The following ZFHX2 variants were observed in gnomAD, a reference collection of about 807,000 sequenced individuals.
The protein encoded by ZFHX2 is zinc finger homeobox protein 2.
A neutral mutation model predicts 164.8 loss-of-function variants in ZFHX2; 75 were observed. That is an observed-to-expected ratio of 0.46 (90% CI 0.38 to 0.55). The LOEUF (loss-of-function observed/expected upper bound fraction) is 0.55. Among genes scored for constraint, ZFHX2 ranks in the 20% least tolerant of loss-of-function variants. The probability of loss-of-function intolerance (pLI) is 0.00; values close to 1 mark genes in which losing one functional copy is unlikely to be tolerated. For synonymous variants in ZFHX2, 1,217 were observed against 1,351.4 expected, an observed-to-expected ratio of 0.90 and a Z score of 2.18; for missense variants, 2,933 against 3,308.0, an observed-to-expected ratio of 0.89 and a Z score of 2.78.
intron 7 of ZFHX2, 91 bp from the exon 8 acceptor site, chr14:23,527,064 C>A: frequency 2.9e-6 from 4 of 1,397,068 alleles, no homozygotes; most frequent in Non-Finnish European, 2.8e-6. Flanking sequence ...TGTACTTGTG[C>A]CGAGATCCCT....
chr14:23,523,739 T>G lies in ZFHX2; in HGVS notation c.6203A>C (p.Tyr2068Ser). 1 of 1,536,254 alleles carries G rather than the reference T, an allele frequency of 6.5e-7. No individual in the cohort carries two copies. Among genetic ancestry groups the G allele is most frequent in the Non-Finnish European group, 8.7e-7 (1 of 1,146,932 alleles). ...GVPDGMGQRRYRTQMSSLQLK... is the reference protein window; with the variant it reads ...GVPDGMGQRRSRTQMSSLQLK... Reference sequence around the variant, plus strand: ...CTGCAGGCTGCTCATCTGGGTCCTGTAGCGCCGCTGCCCCATTCCATCTGG... The same window carrying G: ...CTGCAGGCTGCTCATCTGGGTCCTGGAGCGCCGCTGCCCCATTCCATCTGG... Residue 2068 changes from tyrosine to serine, a missense_variant, in exon 9 of 10, where the codon TAC becomes TCC. By Grantham distance (144) the Tyr-to-Ser change is moderately radical (BLOSUM62 -2). Coordinates refer to ENST00000419474, the MANE Select transcript of ZFHX2 (RefSeq NM_033400.3). The surrounding 1 kb of genome is among the most constrained non-coding windows in gnomAD (Gnocchi z 4.1).
At position 23,534,893 on chromosome 14, in the gene ZFHX2, C is replaced by T. The variant is rs1471505234; in HGVS notation, c.433G>A (p.Gly145Ser). 6 of 1,536,094 alleles carry T rather than the reference C, an allele frequency of 3.9e-6. No individual in the cohort carries two copies. Among genetic ancestry groups the T allele is most frequent in the Non-Finnish European group, 8.7e-7 (1 of 1,146,890 alleles). The part of the protein sequence containing the change: ...ELLLPKGFPW[G>S]EAGIKEEPSL... ...GGCTCTTCCTTGATGCCCGCCTCAC[C>T]CCAGGGGAAGCCCTTTGGTAACAGG... Residue 145 changes from glycine (G) to serine (S), a missense_variant, in exon 2 of 10, where the codon GGT (glycine) becomes AGT (serine). By Grantham distance (56) the Gly-to-Ser change is moderately conservative. Coordinates refer to ENST00000419474, the MANE Select transcript of ZFHX2 (RefSeq NM_033400.3). This position sits in a 1 kb window ranked among gnomAD's most constrained non-coding sequence, Gnocchi z 4.5.
rs1438434773 is a variant in ZFHX2, at chr14:23,525,356, G to C, written c.4586C>G (p.Pro1529Arg). The C allele has an allele frequency of 6.5e-7, 1 of 1,536,042 alleles. No individual in the cohort carries two copies. The highest frequency in any genetic ancestry group is 8.7e-7 in the Non-Finnish European group (1 of 1,146,924). Residue 1529 changes from proline to arginine, a missense_variant, in exon 9 of 10, where the codon CCC becomes CGC. Physicochemically the swap from Pro to Arg is moderately radical, Grantham distance 103. Transcript: ENST00000419474. The surrounding 1 kb of genome is among the most constrained non-coding windows in gnomAD (Gnocchi z 5.9). ...FRKSYDSLYP[P>R]LAEPPKPPDG... ...AGGAGGTTTGGGAGGCTCTGCAAGG[G>C]GCGGGTATAGGCTGTCATAGCTCTT...
At chr14:23,539,035 G>T (rs906067581) in intron 1 of ZFHX2, among the ~76,000 whole-genome samples, 1 of 152,128 alleles carries the variant, frequency 6.6e-6, no homozygotes, top group Non-Finnish European at 1.5e-5. Context: ...AGTTCTGAGG[G>T]TGTAGTCATC....
At chr14:23,532,155 AC>A in intron 3 of ZFHX2, 2 of 122,384 alleles carry the variant, frequency 1.6e-5, no homozygotes, top group African/African-American at 3.2e-5. Flanking sequence ...TGCTCCTGAA[AC>A]CCCCCCTTTC....
rs1879836872 is a variant in ZFHX2 at position 23,533,609 on chromosome 14, C to A, written c.1717G>T (p.Val573Leu). Residue 573 changes from valine to leucine, a missense_variant, in exon 2 of 10, where the codon GTG (valine) becomes TTG (leucine). Transcript: ENST00000419474. The surrounding 1 kb of genome is among the most constrained non-coding windows in gnomAD (Gnocchi z 4.8). The part of the protein sequence containing the change: ...PKTKSSWQCK[V>L]CSYETNISRN... ...GAGATGTTTGTCTCGTAGCTGCACA[C>A]CTTGCACTGCCAGGATGATTTGGTC... 1 of 1,536,682 alleles carries A rather than the reference C, an allele frequency of 6.5e-7. No individual in the cohort carries two copies. The highest frequency in any genetic ancestry group is 1.2e-5 in the South Asian group (1 of 84,070).
At chr14:23,528,708 C>G in intron 6 of ZFHX2, 2 of 985,392 alleles carry the variant, frequency 2.0e-6, no homozygotes, top group Non-Finnish European at 2.4e-6. Flanking sequence ...TTTCCTTCTT[C>G]TTTTTCCTAA....
intron 7 of ZFHX2, 87 bp downstream of exon 7, chr14:23,527,517 C>T (rs1595145205): frequency 2.0e-6 from 3 of 1,491,396 alleles, no homozygotes; most frequent in African/African-American, 1.4e-5. Flanking sequence ...AACACATGCA[C>T]CTGCCTGAAT....
In ZFHX2 at chr14:23,526,935, C is replaced by T; in HGVS notation, c.3174G>A (p.Leu1058=). 6 of 1,531,098 alleles carry T rather than the reference C, an allele frequency of 3.9e-6. No individual in the cohort carries two copies. Among genetic ancestry groups the T allele is most frequent in the South Asian group, 1.2e-5 (1 of 83,202 alleles). 94.8% of individuals were successfully genotyped at this position (1,531,098 alleles called of 1,614,324 possible). ...TVEMTFTTKV[L]SAPTLSPLDN... is the part of the protein sequence containing the mutation. ...CCAGAGGGCTTAATGTGGGTGCAGACAGCACTTTGGTTGTAAATGTCATTT... is the reference window on the plus strand; with the variant it reads ...CCAGAGGGCTTAATGTGGGTGCAGATAGCACTTTGGTTGTAAATGTCATTT... Residue 1058 remains leucine (L), a synonymous_variant, in exon 8 of 10, where the codon CTG becomes CTA. Coordinates refer to ENST00000419474, the MANE Select transcript of ZFHX2 (RefSeq NM_033400.3).
chr14:23,527,055 G>C (rs1878823176), intron 7 of ZFHX2, 82 bp from the exon 8 acceptor site: 1 of 1,406,702 alleles, frequency 7.1e-7, no homozygotes, highest in Non-Finnish European at 9.2e-7. Context: ...CCCTACACCT[G>C]TACTTGTGCC....
chr14:23,526,700 T>A, intron 8 of ZFHX2, 21 bp from the exon 9 acceptor site: 6 of 1,535,752 alleles, frequency 3.9e-6, no homozygotes, highest in Non-Finnish European at 5.2e-6. Flanking sequence ...GAGAAGAAAG[T>A]ACAATGAGGA....
intron 1 of ZFHX2, among the ~76,000 whole-genome samples, chr14:23,536,770 G>A (rs1880190140): frequency 6.6e-6 from 1 of 152,142 alleles, no homozygotes; most frequent in Non-Finnish European, 1.5e-5. Flanking sequence ...CAAAGTTGTG[G>A]TCTAGACTCC....
intron 4 of ZFHX2, chr14:23,530,640 A>C: frequency 2.8e-6 from 1 of 352,920 alleles, no homozygotes; most frequent in East Asian, 7.8e-5. Flanking sequence ...TCAAGTAAGA[A>C]TTGACAGATG....
chr14:23,539,591 T>C (rs927509113), intron 1 of ZFHX2, among the ~76,000 whole-genome samples: 7 of 152,168 alleles, frequency 4.6e-5, no homozygotes, highest in Admixed American at 2.6e-4. Context: ...GACCAAAAAA[T>C]TGAAGTCTGA....
Position 23,532,734 on chromosome 14 carries a change from C to T in ZFHX2, c.2392G>A (p.Ala798Thr). 6.5e-7 allele frequency: 1 copy of T among 1,535,798 alleles called. No individual in the cohort carries two copies. ...GATGCTGGGGAAGGGGTGCCCATGG[C>T]TCCACCCCCCTCCCGCAGGTGGGCT... The part of the protein sequence containing the change: ...LAAHLREGGG[A>T]MGTPSPASLG... Residue 798 changes from alanine (A) to threonine (T), a missense_variant, in exon 3 of 10, where the codon GCC becomes ACC. Ala to Thr is a moderately conservative substitution (Grantham distance 58). Coordinates refer to ENST00000419474, the MANE Select transcript of ZFHX2 (RefSeq NM_033400.3).
Position 23,523,761 on chromosome 14 carries a change from C to G in ZFHX2, c.6181G>C (p.Asp2061His). Residue 2061 changes from aspartate to histidine, a missense_variant, in exon 9 of 10, where the codon GAT (aspartate) becomes CAT (histidine). Asp to His is a moderately conservative substitution (Grantham distance 81, BLOSUM62 -1). Coordinates refer to ENST00000419474, the MANE Select transcript of ZFHX2 (RefSeq NM_033400.3). This position sits in a 1 kb window ranked among gnomAD's most constrained non-coding sequence, Gnocchi z 4.1. ...GGPGGGTGVPDGMGQRRYRTQ... is the reference protein window; with the variant it reads ...GGPGGGTGVPHGMGQRRYRTQ... The stretch of plus-strand genomic sequence containing the variant: ...CTGTAGCGCCGCTGCCCCATTCCAT[C>G]TGGAACCCCAGTCCCACCTCCAGGT... 1 of 1,536,232 alleles carries G rather than the reference C, an allele frequency of 6.5e-7. No individual in the cohort carries two copies.
chr14:23,547,298 T>C (rs1881489046), intron 1 of ZFHX2, among the ~76,000 whole-genome samples: 1 of 152,260 alleles, frequency 6.6e-6, no homozygotes, highest in Non-Finnish European at 1.5e-5. Context: ...TGGCTTGGGA[T>C]AGGTGTTTAG....
rs754381131 is a variant in ZFHX2 at position 23,522,278 on chromosome 14, G to A, written c.7403C>T (p.Ala2468Val). 2.1e-5 allele frequency: 32 copies of A among 1,497,814 alleles called. No individual in the cohort carries two copies. In the African/African-American group the frequency reaches 4.1e-4, roughly 19 times the overall value. 92.8% of individuals were successfully genotyped at this position (1,497,814 alleles called of 1,614,324 possible). ...AAAGAAGCAGAAGGATCTCTGGTGGGCAGTAGCCGGGGCCTCCCCGTCAAA... is the reference window on the plus strand; with the variant it reads ...AAAGAAGCAGAAGGATCTCTGGTGGACAGTAGCCGGGGCCTCCCCGTCAAA... Reference protein sequence around the residue: ...MAFDGEAPATAHQRSFCFFGR... With the variant: ...MAFDGEAPATVHQRSFCFFGR... Residue 2468 changes from alanine to valine, a missense_variant, in exon 10 of 10, where the codon GCC (alanine) becomes GTC (valine). Ala to Val is a moderately conservative substitution (Grantham distance 64). Coordinates refer to ENST00000419474, the MANE Select transcript of ZFHX2 (RefSeq NM_033400.3).
Position 23,530,175 on chromosome 14 carries a change from G to A in ZFHX2, c.2820C>T (p.Pro940=), listed in dbSNP as rs1879347228. 6.5e-7 allele frequency: 1 copy of A among 1,535,884 alleles called. No homozygotes were observed. Among genetic ancestry groups the A allele is most frequent in the Non-Finnish European group, 8.7e-7 (1 of 1,146,666 alleles). ...LRTPGKAPVT[P]LAEPPTPEKD... The stretch of plus-strand genomic sequence containing the variant: ...TCTCAGGGGTGGGTGGCTCAGCTAA[G>A]GGGGTGACAGGAGCCTTCCCTGTGT... The change falls in exon 5 of 10, where the codon CCC becomes CCT. Residue 940 remains proline, a synonymous_variant. Coordinates refer to ENST00000419474, the MANE Select transcript of ZFHX2 (RefSeq NM_033400.3).
Sources: allele counts gnomAD v4.1 joint callset (sites outside exome capture counted in the v4.1 genomes callset), GRCh38; gene constraint gnomAD v4.1.1; non-coding constraint Gnocchi (gnomAD v3.1); transcripts MANE v1.5; gene names NCBI Gene and HGNC (gene_info 2026-07-23, HGNC 2026-07-21).